Variants in IGDCC3 observed in about 807,000 individuals in gnomAD.
IGDCC3 encodes immunoglobulin superfamily DCC subclass member 3.
A neutral mutation model predicts 72.0 loss-of-function variants in IGDCC3; 47 were observed. The ratio of observed to expected loss-of-function variants is 0.65; its 90% CI spans 0.52 to 0.83. The LOEUF (loss-of-function observed/expected upper bound fraction) is 0.83, where lower values mean the gene tolerates loss of function less well. IGDCC3 is among the 40% of genes least tolerant of loss of function. IGDCC3 has a pLI of 0.00. For missense variants in IGDCC3, 1,038 were observed against 1,091.3 expected, an observed-to-expected ratio of 0.95 and a Z score of 0.69; for synonymous variants, 477 against 472.8, an observed-to-expected ratio of 1.01 and a Z score of -0.11.
intron 2 of IGDCC3, among the ~76,000 whole-genome samples, chr15:65,371,505 A>G (rs1206709261): frequency 6.6e-6 from 1 of 152,202 alleles, no homozygotes; most frequent in Non-Finnish European, 1.5e-5. Flanking sequence ...TACTCAGAGT[A>G]CAGCCTGTGG....
intron 2 of IGDCC3, among the ~76,000 whole-genome samples, chr15:65,342,857 GT>G (rs900784234): frequency 1.3e-5 from 2 of 150,076 alleles, no homozygotes; most frequent in Admixed American, 6.6e-5. Context: ...GTGTTTGTTT[GT>G]TTTTTTTTGT....
rs1160785455 is a variant in IGDCC3, at chr15:65,377,963, C to G, written c.-175G>C. On this transcript the variant is annotated 5_prime_UTR_variant, in exon 1 of 14. Coordinates refer to ENST00000327987, the MANE Select transcript of IGDCC3 (RefSeq NM_004884.4). This position sits in a 1 kb window ranked among gnomAD's most constrained non-coding sequence, Gnocchi z 4.9. The stretch of plus-strand genomic sequence containing the variant: ...AGCAGCGCGGGGGGCGCAGGGGGAG[C>G]GCCGCTTGCGCCATCTTGCACCCAC... The G allele has an allele frequency of 2.2e-6, 1 of 454,010 alleles. No homozygotes were observed. The highest frequency in any genetic ancestry group is 6.2e-5 in the Admixed American group (1 of 16,218). 28.1% of individuals were successfully genotyped at this position (454,010 alleles called of 1,614,324 possible).
chr15:65,352,661 AG>A (rs1189467780), intron 2 of IGDCC3, among the ~76,000 whole-genome samples: 1 of 152,362 alleles, frequency 6.6e-6, no homozygotes, highest in South Asian at 2.1e-4. Flanking sequence ...GCTTTAAAAA[AG>A]TCTCATCTAA....
At position 65,377,883 on chromosome 15, in the gene IGDCC3, G is replaced by A; in HGVS notation, c.-95C>T. On this transcript the variant is annotated 5_prime_UTR_variant, in exon 1 of 14. Coordinates refer to ENST00000327987, the MANE Select transcript of IGDCC3 (RefSeq NM_004884.4). The surrounding 1 kb of genome is among the most constrained non-coding windows in gnomAD (Gnocchi z 4.9). ...GGGCCGGCGCCGGGGCCGGGGCTGG[G>A]GCTCCGGCCGGGGCCGAGCCCAGGC... is the stretch of plus-strand genomic sequence containing the variant. 2.9e-6 allele frequency: 3 copies of A among 1,021,410 alleles called. No homozygotes were observed. Among genetic ancestry groups the A allele is most frequent in the Non-Finnish European group, 3.5e-6 (3 of 852,482 alleles). The allele number at this position is 1,021,410 out of a possible 1,614,324, so 63.3% of individuals were successfully genotyped here.
intron 2 of IGDCC3, among the ~76,000 whole-genome samples, chr15:65,369,308 T>C (rs2091308751): frequency 1.3e-5 from 2 of 152,102 alleles, no homozygotes; most frequent in South Asian, 4.2e-4. Flanking sequence ...CCCCTCACCT[T>C]ATAATCAGAA....
Position 65,339,284 on chromosome 15 carries a change from G to C in IGDCC3, c.410-3328C>G, listed in dbSNP as rs981539652. On this transcript the variant is annotated intron_variant, in intron 2 of 13. Coordinates refer to ENST00000327987, the MANE Select transcript of IGDCC3 (RefSeq NM_004884.4). This position sits in a 1 kb window ranked among gnomAD's most constrained non-coding sequence, Gnocchi z 4.1. ...TTTAGTAGAGATGGGCTTTCACCAT[G>C]TTAGTCAGGCTGGTCTCAAACTCCT... 6.6e-6 allele frequency among the ~76,000 whole-genome samples: 1 copy of C among 152,170 alleles called. No individual in the cohort carries two copies. The highest frequency in any genetic ancestry group is 2.4e-5 in the African/African-American group (1 of 41,436).
At position 65,335,416 on chromosome 15, in the gene IGDCC3, G is replaced by A. The variant is rs1379452080; in HGVS notation, c.560C>T (p.Thr187Ile). ...CTGCAGGACCCCCTTGGGCAGCAAT[G>A]TGTACCTGTTGAGGGGAGGGACATA... ...VPIDTDNERY[T>I]LLPKGVLQIT... The change falls in exon 4 of 14, where the codon ACA becomes ATA. Residue 187 changes from threonine (T) to isoleucine (I), a missense_variant. Coordinates refer to ENST00000327987, the MANE Select transcript of IGDCC3 (RefSeq NM_004884.4). The A allele has an allele frequency of 1.9e-6, 3 of 1,610,200 alleles. No individual in the cohort carries two copies. The highest frequency in any genetic ancestry group is 3.4e-5 in the Admixed American group (2 of 59,328).
intron 7 of IGDCC3, 93 bp from the exon 8 acceptor site, chr15:65,331,752 G>A: frequency 6.9e-7 from 1 of 1,459,346 alleles, no homozygotes; most frequent in Non-Finnish European, 9.1e-7. Context: ...GTCTTTCCAG[G>A]AGACAAACGA....
chr15:65,333,276 C>G lies in IGDCC3; in HGVS notation c.963G>C (p.Gln321His), dbSNP rs928469560. Residue 321 changes from glutamine (Q) to histidine (H), a missense_variant, in exon 6 of 14, where the codon CAG (glutamine) becomes CAC (histidine). By Grantham distance (24) the Gln-to-His change is conservative. Transcript: ENST00000327987. Reference sequence around the variant, plus strand: ...CCATACCTTGCACCACCAGCCGGCCCTGTGCCGTTCTCCTCACCCGGGTGC... The same window carrying G: ...CCATACCTTGCACCACCAGCCGGCCGTGTGCCGTTCTCCTCACCCGGGTGC... ...RPGTRVRRTA[Q>H]GRLVVQAPAE... The G allele has an allele frequency of 1.2e-6, 2 of 1,611,172 alleles. No homozygotes were observed. Among genetic ancestry groups the G allele is most frequent in the Admixed American group, 3.3e-5 (2 of 59,744 alleles).
At chr15:65,345,915 CT>C (rs2091120743) in intron 2 of IGDCC3, among the ~76,000 whole-genome samples, 1 of 152,162 alleles carries the variant, frequency 6.6e-6, no homozygotes, top group African/African-American at 2.4e-5. Flanking sequence ...AAATCCAAGT[CT>C]CTTTACCTTC....
In IGDCC3 at chr15:65,329,962, C is replaced by T. The variant is rs1046861445; in HGVS notation, c.1859-98G>A. 5 of 1,344,524 alleles carry T rather than the reference C, an allele frequency of 3.7e-6. No individual in the cohort carries two copies. The highest frequency in any genetic ancestry group is 4.2e-6 in the Non-Finnish European group (4 of 954,262). 83.3% of individuals were successfully genotyped at this position (1,344,524 alleles called of 1,614,324 possible). On this transcript the variant is annotated intron_variant, in intron 11 of 13. Transcript: ENST00000327987. The surrounding 1 kb of genome is among the most constrained non-coding windows in gnomAD (Gnocchi z 4.1). ...ACTCCTCTTCCTTCAGCTGCTCCCACTCCCAAGTGGGAGTGGGAACATCCT... is the reference window on the plus strand; with the variant it reads ...ACTCCTCTTCCTTCAGCTGCTCCCATTCCCAAGTGGGAGTGGGAACATCCT...
chr15:65,333,383 C>T lies in IGDCC3; in HGVS notation c.856G>A (p.Val286Met), dbSNP rs1187066554. 1.2e-6 allele frequency: 2 copies of T among 1,609,730 alleles called. No individual in the cohort carries two copies. The highest frequency in any genetic ancestry group is 1.1e-5 in the South Asian group (1 of 90,430). Reference protein sequence around the residue: ...GRPIGVEGIQVLGTGNLIISD... With the variant: ...GRPIGVEGIQMLGTGNLIISD... ...ATGATGAGGTTTCCTGTGCCCAGCA[C>T]CTGGATGCCCTCCACCCCGATAGGG... The change falls in exon 6 of 14, where the codon GTG becomes ATG. Residue 286 changes from valine (V) to methionine (M), a missense_variant. Physicochemically the swap from Val to Met is conservative, Grantham distance 21. Coordinates refer to ENST00000327987, the MANE Select transcript of IGDCC3 (RefSeq NM_004884.4).
chr15:65,331,978 C>G lies in IGDCC3; in HGVS notation c.1111G>C (p.Gly371Arg), dbSNP rs757417635. 2.5e-5 allele frequency: 41 copies of G among 1,614,004 alleles called. No individual in the cohort carries two copies. The highest frequency in any genetic ancestry group is 2.9e-5 in the Non-Finnish European group (34 of 1,180,032). ...TTGAGCCTGACGTGGCCTCCTGGCC[C>G]CAGCACCTGTCCATTTTTCAGCCAC... ...VTWLKNGQVL[G>R]PGGHVRLKNN... The change falls in exon 7 of 14, where the codon GGG becomes CGG. Residue 371 changes from glycine to arginine, a missense_variant. Transcript: ENST00000327987.
Position 65,377,685 on chromosome 15 carries a change from C to A in IGDCC3, c.103+1G>T. The A allele has an allele frequency of 7.0e-7, 1 of 1,438,534 alleles. No individual in the cohort carries two copies. Among genetic ancestry groups the A allele is most frequent in the Non-Finnish European group, 9.1e-7 (1 of 1,100,796 alleles). 89.1% of individuals were successfully genotyped at this position (1,438,534 alleles called of 1,614,324 possible). A position where few individuals can be genotyped will look rare whatever the true frequency, so the allele number is the denominator to read the frequency against. On this transcript the variant is annotated splice_donor_variant, in intron 1 of 13. Coordinates refer to ENST00000327987, the MANE Select transcript of IGDCC3 (RefSeq NM_004884.4). LOFTEE classifies it high-confidence loss of function. This position sits in a 1 kb window ranked among gnomAD's most constrained non-coding sequence, Gnocchi z 4.9. ...GCCCGGTCCGGGGCGCTTTCACTCA[C>A]CCTCGCTCGGCGCGGGCAGCAGCAG...
chr15:65,334,520 G>T (rs1356454786), intron 5 of IGDCC3: 5 of 550,492 alleles, frequency 9.1e-6, no homozygotes, highest in Non-Finnish European at 1.6e-5. Flanking sequence ...TCCCTGCAGG[G>T]ATGAGAATGG....
At chr15:65,337,119 C>T (rs1273050199) in intron 2 of IGDCC3, among the ~76,000 whole-genome samples, 2 of 152,226 alleles carry the variant, frequency 1.3e-5, no homozygotes, top group African/African-American at 4.8e-5. Flanking sequence ...ATCTCAGGCC[C>T]CCTCAATCCA....
chr15:65,354,108 G>C (rs189496028), intron 2 of IGDCC3, among the ~76,000 whole-genome samples: 1 of 152,150 alleles, frequency 6.6e-6, no homozygotes, highest in African/African-American at 2.4e-5. Flanking sequence ...GTTTCACCAC[G>C]TTGGCCAGGC....
At chr15:65,360,359 C>T (rs542711435) in intron 2 of IGDCC3, among the ~76,000 whole-genome samples, 1 of 152,324 alleles carries the variant, frequency 6.6e-6, no homozygotes, top group East Asian at 1.9e-4. Flanking sequence ...CAAACAGCCT[C>T]AAGGCTGAGG....
Position 65,332,015 on chromosome 15 carries a change from C to A in IGDCC3, c.1074G>T (p.Pro358=). ...MFTCQAQGEP[P]PHVTWLKNGQ... is the part of the protein sequence containing the mutation. ...CATTTTTCAGCCACGTGACATGAGG[C>A]GGTGGCTCACCCTGGGCTTGGCAGG... is the stretch of plus-strand genomic sequence containing the variant. Residue 358 remains proline (P), a synonymous_variant, in exon 7 of 14, where the codon CCG becomes CCT. Coordinates refer to ENST00000327987, the MANE Select transcript of IGDCC3 (RefSeq NM_004884.4). The A allele has an allele frequency of 6.2e-7, 1 of 1,614,168 alleles. No homozygotes were observed.
Sources: gnomAD v4.1 joint callset for allele counts (sites outside exome capture counted in the v4.1 genomes callset) on GRCh38, gnomAD v4.1.1 for gene constraint, Gnocchi (gnomAD v3.1) non-coding constraint, MANE v1.5 for transcripts, NCBI Gene and HGNC (gene_info 2026-07-23, HGNC 2026-07-21) for gene names.